The following GALNT13 variants were observed in gnomAD, a reference collection of about 807,000 sequenced individuals.
The protein encoded by GALNT13 is polypeptide N-acetylgalactosaminyltransferase 13.
GALNT13 carries 28 observed loss-of-function variants against 64.2 expected under a neutral mutation model. That is an observed-to-expected ratio of 0.44 (90% confidence interval 0.32 to 0.60). The LOEUF is 0.60. GALNT13 is among the 20% of genes least tolerant of loss of function. The pLI, the probability that GALNT13 is intolerant of heterozygous loss-of-function variation, is 0.05. For missense variants in GALNT13, 577 were observed against 669.8 expected, an observed-to-expected ratio of 0.86 and a Z score of 1.53; for synonymous variants, 214 against 224.6, an observed-to-expected ratio of 0.95 and a Z score of 0.42.
chr2:154,085,457 C>G (rs577068411), intron 3 of GALNT13, among the ~76,000 whole-genome samples: 3 of 152,076 alleles, frequency 2.0e-5, no homozygotes, highest in Admixed American at 6.6e-5. Context: ...GGGGAAAACA[C>G]AGAGAAGCTT....
the GALNT13 span, among the ~76,000 whole-genome samples, chr2:153,428,730 T>C: frequency 3.3e-5 from 5 of 152,126 alleles, no homozygotes; most frequent in African/African-American, 4.8e-5. Flanking sequence ...ATGAAGATAG[T>C]AGCCATCAGT....
chr2:154,036,409 A>C (rs1264575797), intron 3 of GALNT13, among the ~76,000 whole-genome samples: 1 of 152,108 alleles, frequency 6.6e-6, no homozygotes, highest in African/African-American at 2.4e-5. Flanking sequence ...ACAAAACAAA[A>C]GCTTCTGAGA....
the GALNT13 span, among the ~76,000 whole-genome samples, chr2:153,485,717 C>T: frequency 0.014 from 2,155 of 151,844 alleles, 53 homozygotes; most frequent in African/African-American, 0.049. Context: ...AGCAACACAG[C>T]GAGACCCCAT....
At chr2:153,577,957 A>G in the GALNT13 span, among the ~76,000 whole-genome samples, 2 of 151,208 alleles carry the variant, frequency 1.3e-5, no homozygotes, top group South Asian at 4.1e-4. Flanking sequence ...CACATAAAAG[A>G]CTGTTTTATT....
intron 3 of GALNT13, among the ~76,000 whole-genome samples, chr2:154,111,452 C>T (rs546136143): frequency 1.8e-4 from 28 of 152,216 alleles, no homozygotes; most frequent in Non-Finnish European, 4.1e-4. Context: ...CACTGTAACT[C>T]CCTTCTTGGC....
chr2:154,386,362 T>C (rs552637846), intron 9 of GALNT13, among the ~76,000 whole-genome samples: 7 of 152,154 alleles, frequency 4.6e-5, no homozygotes, highest in African/African-American at 1.7e-4. Flanking sequence ...AAGGCAATCA[T>C]GATGGGTCAG....
At chr2:153,220,727 A>G in the GALNT13 span, among the ~76,000 whole-genome samples, 2 of 152,240 alleles carry the variant, frequency 1.3e-5, no homozygotes, top group Non-Finnish European at 2.9e-5. Flanking sequence ...CCACTCCTGC[A>G]CATAGGCTAA....
At chr2:153,725,134 T>C in the GALNT13 span, among the ~76,000 whole-genome samples, 1 of 146,982 alleles carries the variant, frequency 6.8e-6, no homozygotes, top group Non-Finnish European at 1.5e-5. Flanking sequence ...CCATAAAAAA[T>C]GATGAGTTCA....
the GALNT13 span, among the ~76,000 whole-genome samples, chr2:153,842,045 G>A: frequency 6.6e-6 from 1 of 151,914 alleles, no homozygotes; most frequent in African/African-American, 2.4e-5. Flanking sequence ...TGGAGGGTTG[G>A]GAGAGATTCT....
chr2:153,991,569 C>T (rs1695158047), intron 3 of GALNT13, among the ~76,000 whole-genome samples: 1 of 152,078 alleles, frequency 6.6e-6, no homozygotes. Flanking sequence ...ATCATTAGAA[C>T]ACTCTTTGGC....
the GALNT13 span, among the ~76,000 whole-genome samples, chr2:153,403,893 G>A: frequency 5.9e-5 from 9 of 152,172 alleles, no homozygotes; most frequent in Non-Finnish European, 1.3e-4. Flanking sequence ...CGTCTTCTGC[G>A]TCGCTCACAC....
the GALNT13 span, among the ~76,000 whole-genome samples, chr2:153,827,198 C>A: frequency 6.6e-6 from 1 of 152,010 alleles, no homozygotes; most frequent in African/African-American, 2.4e-5. Flanking sequence ...GCTTTTAAAA[C>A]CATTAGATCT....
intron 11 of GALNT13, among the ~76,000 whole-genome samples, chr2:154,433,608 C>T (rs1700800548): frequency 6.6e-6 from 1 of 152,094 alleles, no homozygotes; most frequent in Non-Finnish European, 1.5e-5. Context: ...TTTGCCTCTG[C>T]AGGCTGCCAA....
At chr2:153,930,906 C>T (rs1690467591) in intron 2 of GALNT13, among the ~76,000 whole-genome samples, 1 of 152,034 alleles carries the variant, frequency 6.6e-6, no homozygotes, top group African/African-American at 2.4e-5. Flanking sequence ...CTGTAAATGG[C>T]TTTGGGCAGT....
chr2:154,109,385 G>A (rs1702804382), intron 3 of GALNT13, among the ~76,000 whole-genome samples: 1 of 151,658 alleles, frequency 6.6e-6, no homozygotes, highest in African/African-American at 2.4e-5. Flanking sequence ...TATTTTTGGT[G>A]GTCATTTCCT....
chr2:153,473,788 G>A, the GALNT13 span, among the ~76,000 whole-genome samples: 1 of 152,216 alleles, frequency 6.6e-6, no homozygotes, highest in Admixed American at 6.5e-5. Context: ...GGTGCTGTGT[G>A]CTGTTGCAGA....
At chr2:153,190,484 G>A in the GALNT13 span, among the ~76,000 whole-genome samples, 21 of 152,146 alleles carry the variant, frequency 1.4e-4, 1 homozygote, top group African/African-American at 4.8e-4. Flanking sequence ...GGTTAATAAA[G>A]ACTTTTAATA....
At chr2:153,654,811 G>C in the GALNT13 span, among the ~76,000 whole-genome samples, 1 of 151,944 alleles carries the variant, frequency 6.6e-6, no homozygotes, top group East Asian at 1.9e-4. Context: ...TTTAGCATTT[G>C]TGGATTTTGG....
intron 4 of GALNT13, among the ~76,000 whole-genome samples, chr2:154,197,438 C>T (rs973736971): frequency 1.3e-5 from 2 of 152,056 alleles, no homozygotes; most frequent in Non-Finnish European, 2.9e-5. Flanking sequence ...TTTCAATCAA[C>T]TGAGCTCATA....
Sources: gnomAD v4.1 joint callset for allele counts (sites outside exome capture counted in the v4.1 genomes callset) on GRCh38, gnomAD v4.1.1 for gene constraint, MANE v1.5 for transcripts, NCBI Gene and HGNC (gene_info 2026-07-23, HGNC 2026-07-21) for gene names.